Variants in OSBPL11 observed in about 807,000 individuals in gnomAD.
OSBPL11 encodes oxysterol binding protein like 11.
Under a neutral mutation model 84.4 loss-of-function variants are expected in OSBPL11, and 33 were observed. The ratio of observed to expected loss-of-function variants is 0.39; its 90% confidence interval spans 0.30 to 0.52. The LOEUF is 0.52. Ranked by LOEUF, OSBPL11 falls within the 20% of genes least tolerant of loss-of-function variation. OSBPL11 has a pLI of 0.72. For missense variants in OSBPL11, 736 were observed against 901.1 expected, an observed-to-expected ratio of 0.82 and a Z score of 2.35; for synonymous variants, 276 against 310.2, an observed-to-expected ratio of 0.89 and a Z score of 1.16.
chr3:125,554,344 CT>C (rs1310551369), intron 8 of OSBPL11, among the ~76,000 whole-genome samples: 1 of 152,188 alleles, frequency 6.6e-6, no homozygotes, highest in Non-Finnish European at 1.5e-5. Flanking sequence ...TTTTTAACTC[CT>C]TTTGGAGTCA....
chr3:125,592,136 C>T (rs147209622), intron 1 of OSBPL11, among the ~76,000 whole-genome samples: 106 of 152,306 alleles, frequency 7.0e-4, no homozygotes, highest in Non-Finnish European at 1.2e-3. Flanking sequence ...TCACAGCTCA[C>T]TGGAGCCTAG....
intron 1 of OSBPL11, among the ~76,000 whole-genome samples, chr3:125,589,103 CTT>C: frequency 6.6e-6 from 1 of 152,062 alleles, no homozygotes; most frequent in African/African-American, 2.4e-5. Context: ...AATCCCAGTA[CTT>C]TAAGAGGCCT....
At chr3:125,562,926 C>CA (rs879379561) in intron 7 of OSBPL11, among the ~76,000 whole-genome samples, 20 of 144,956 alleles carry the variant, frequency 1.4e-4, no homozygotes, top group African/African-American at 2.8e-4. Flanking sequence ...AACTCCATCT[C>CA]AAAAAAAAAG....
chr3:125,549,361 C>T (rs1448525802), intron 9 of OSBPL11, among the ~76,000 whole-genome samples: 2 of 152,078 alleles, frequency 1.3e-5, no homozygotes, highest in East Asian at 1.9e-4. Context: ...TTGAGGATAT[C>T]GATAACCATT....
chr3:125,572,875 A>T (rs1292000311), intron 5 of OSBPL11, among the ~76,000 whole-genome samples: 1 of 146,308 alleles, frequency 6.8e-6, no homozygotes, highest in Non-Finnish European at 1.5e-5. Context: ...TTATATATAT[A>T]TTTTATATAT....
intron 11 of OSBPL11, among the ~76,000 whole-genome samples, chr3:125,536,720 T>C (rs1356106534): frequency 6.6e-6 from 1 of 152,158 alleles, no homozygotes; most frequent in Non-Finnish European, 1.5e-5. Context: ...TAAGTAAACA[T>C]GGTATTTCAT....
chr3:125,547,423 A>G lies in OSBPL11; in HGVS notation c.1824T>C (p.Tyr608=), dbSNP rs1559837473. ...GTTCTTACCGATGCAGTTTGCCACCATAAAATGGCTTGGTATGAAAAGTGA... is the reference window on the plus strand; with the variant it reads ...GTTCTTACCGATGCAGTTTGCCACCGTAAAATGGCTTGGTATGAAAAGTGA... ...ASITFHTKPF[Y]GGKLHRVTAE... is the part of the protein sequence containing the mutation. The change falls in exon 10 of 13, where the codon TAT becomes TAC. Residue 608 remains tyrosine, a synonymous_variant. Transcript: ENST00000296220. The G allele has an allele frequency of 2.5e-6, 4 of 1,613,656 alleles. No homozygotes were observed. The highest frequency in any genetic ancestry group is 2.5e-6 in the Non-Finnish European group (3 of 1,179,894).
intron 11 of OSBPL11, among the ~76,000 whole-genome samples, chr3:125,535,881 C>T (rs1383823190): frequency 1.3e-5 from 2 of 151,692 alleles, no homozygotes; most frequent in African/African-American, 2.4e-5. Flanking sequence ...GCCTGTAATT[C>T]CAGCACTTTG....
At chr3:125,579,104 G>T in intron 3 of OSBPL11, 65 bp from the exon 4 acceptor site, 1 of 1,168,988 alleles carries the variant, frequency 8.6e-7, no homozygotes, top group Non-Finnish European at 1.2e-6. Context: ...ATTGCCTACA[G>T]TATGAAGATC....
chr3:125,548,735 A>G (rs1376486309), intron 9 of OSBPL11, among the ~76,000 whole-genome samples: 4 of 152,266 alleles, frequency 2.6e-5, no homozygotes, highest in Admixed American at 2.6e-4. Context: ...CCCTCTTAAT[A>G]AATGCTCGTT....
At chr3:125,540,511 T>G (rs1333443126) in intron 10 of OSBPL11, among the ~76,000 whole-genome samples, 1 of 152,148 alleles carries the variant, frequency 6.6e-6, no homozygotes, top group Non-Finnish European at 1.5e-5. Context: ...ATGTTTCTTG[T>G]GATGTCATTA....
At position 125,586,698 on chromosome 3, in the gene OSBPL11, G is replaced by A. The variant is rs553950035; in HGVS notation, c.165-3720C>T. 2.0e-5 allele frequency among the ~76,000 whole-genome samples: 3 copies of A among 152,062 alleles called. No homozygotes were observed. The East Asian group carries it at 5.8e-4, about 29-fold the overall frequency. ...TGCCTGGCTACTTTTTCTATTTGTA[G>A]TAGAGACGGGGTTTCATCATGTTGG... is the stretch of plus-strand genomic sequence containing the variant. On this transcript the variant is annotated intron_variant, in intron 1 of 12. Coordinates refer to ENST00000296220, the MANE Select transcript of OSBPL11 (RefSeq NM_022776.5).
intron 11 of OSBPL11, 98 bp from the exon 12 acceptor site, chr3:125,532,112 G>A (rs9867731): frequency 0.14 from 171,897 of 1,262,916 alleles, 13,439 homozygotes; most frequent in African/African-American, 0.34. Context: ...ATAAAATAAC[G>A]TTTCCTAAAT....
At position 125,530,594 on chromosome 3, in the gene OSBPL11, A is replaced by G. The variant is rs752256441; in HGVS notation, c.2179-14T>C. The G allele has an allele frequency of 1.1e-5, 18 of 1,602,448 alleles. No individual in the cohort carries two copies. The highest frequency in any genetic ancestry group is 8.8e-5 in the South Asian group (8 of 90,790). ...CCAGCCATCTCCCTGAAACAAATAA[A>G]AAGATAAAGAATCATCCCTCTAATA... On this transcript the variant is annotated splice_polypyrimidine_tract_variant and intron_variant, in intron 12 of 12. Coordinates refer to ENST00000296220, the MANE Select transcript of OSBPL11 (RefSeq NM_022776.5).
chr3:125,571,927 C>T (rs984894193), intron 5 of OSBPL11, among the ~76,000 whole-genome samples: 3 of 152,242 alleles, frequency 2.0e-5, no homozygotes, highest in Non-Finnish European at 4.4e-5. Flanking sequence ...GGGCCGCTGT[C>T]CTCCAAAACT....
At chr3:125,583,518 C>G (rs1303155881) in intron 1 of OSBPL11, among the ~76,000 whole-genome samples, 1 of 137,492 alleles carries the variant, frequency 7.3e-6, no homozygotes, top group Non-Finnish European at 1.5e-5. Flanking sequence ...GAGGTGGAGG[C>G]TGCAATGAGC....
At chr3:125,542,180 T>G (rs2107589965) in intron 10 of OSBPL11, among the ~76,000 whole-genome samples, 1 of 152,308 alleles carries the variant, frequency 6.6e-6, no homozygotes, top group Middle Eastern at 3.4e-3. Flanking sequence ...ACAGACTTCC[T>G]GCATAAACAG....
At chr3:125,575,094 T>C (rs1391528945) in intron 5 of OSBPL11, among the ~76,000 whole-genome samples, 1 of 152,232 alleles carries the variant, frequency 6.6e-6, no homozygotes, top group African/African-American at 2.4e-5. Context: ...ATTTTCATCC[T>C]GTAGTTCAAC....
chr3:125,561,553 C>T (rs1326233612), intron 7 of OSBPL11, among the ~76,000 whole-genome samples: 7 of 152,206 alleles, frequency 4.6e-5, no homozygotes, highest in Non-Finnish European at 8.8e-5. Flanking sequence ...CATTTGCCTT[C>T]ATGTCTACTT....
Sources: allele counts gnomAD v4.1 joint callset (sites outside exome capture counted in the v4.1 genomes callset), GRCh38; gene constraint gnomAD v4.1.1; transcripts MANE v1.5; gene names NCBI Gene and HGNC (gene_info 2026-07-23, HGNC 2026-07-21).